ROBO1: variants seen among roughly 807,000 people sequenced by gnomAD.
The protein encoded by ROBO1 is roundabout guidance receptor 1, also known as roundabout homolog 1.
In ROBO1, 149 loss-of-function variants were observed where a neutral mutation model predicts 195.9. That is an observed-to-expected ratio of 0.76 (90% CI 0.67 to 0.87). ROBO1 has a LOEUF of 0.87. Ranked by LOEUF, ROBO1 falls within the 40% of genes least tolerant of loss-of-function variation. ROBO1 has a pLI of 0.00. For synonymous variants in ROBO1, 816 were observed against 733.2 expected, an observed-to-expected ratio of 1.11 and a Z score of -1.82; for missense variants, 1,933 against 2,068.3, an observed-to-expected ratio of 0.93 and a Z score of 1.27.
At chr3:79,360,397 T>A (rs1052682569) in intron 2 of ROBO1, among the ~76,000 whole-genome samples, 3 of 152,030 alleles carry the variant, frequency 2.0e-5, no homozygotes, top group African/African-American at 7.2e-5. Flanking sequence ...TAAAATTATT[T>A]ATGAAGAATT....
chr3:79,624,162 C>G (rs917769522), intron 1 of ROBO1, among the ~76,000 whole-genome samples: 1 of 152,174 alleles, frequency 6.6e-6, no homozygotes, highest in Middle Eastern at 3.4e-3. Context: ...GATTTCATTA[C>G]CACCAGGCCT....
chr3:78,636,935 TTA>T (rs55894934), intron 22 of ROBO1, among the ~76,000 whole-genome samples: 8,904 of 96,250 alleles, frequency 0.093, 387 homozygotes, highest in Middle Eastern at 0.15. Flanking sequence ...TACATTCATT[TTA>T]TATATATATA....
intron 1 of ROBO1, among the ~76,000 whole-genome samples, chr3:79,608,103 C>G (rs1307785626): frequency 6.6e-6 from 1 of 151,874 alleles, no homozygotes; most frequent in Non-Finnish European, 1.5e-5. Flanking sequence ...TATAGACAGT[C>G]CTGGGTATAC....
At chr3:79,304,031 A>G (rs942299731) in intron 2 of ROBO1, among the ~76,000 whole-genome samples, 1 of 152,216 alleles carries the variant, frequency 6.6e-6, no homozygotes, top group African/African-American at 2.4e-5. Flanking sequence ...TGCAGTTTTC[A>G]TTTTTTAAAA....
intron 2 of ROBO1, among the ~76,000 whole-genome samples, chr3:79,282,383 C>T (rs1197334936): frequency 6.6e-6 from 1 of 152,110 alleles, no homozygotes; most frequent in Non-Finnish European, 1.5e-5. Flanking sequence ...AGTGACTGAT[C>T]TAAGAGAATG....
intron 1 of ROBO1, among the ~76,000 whole-genome samples, chr3:79,618,627 C>T (rs1944900295): frequency 6.6e-6 from 1 of 152,200 alleles, no homozygotes; most frequent in South Asian, 2.1e-4. Context: ...CCTTTGCTGA[C>T]TCCTTTTTCA....
At chr3:79,745,699 C>G (rs933531691) in intron 1 of ROBO1, among the ~76,000 whole-genome samples, 1 of 152,054 alleles carries the variant, frequency 6.6e-6, no homozygotes, top group South Asian at 2.1e-4. Flanking sequence ...AACAAATGGT[C>G]ATGTCCCTTT....
At chr3:78,982,601 C>A (rs910748843) in intron 3 of ROBO1, among the ~76,000 whole-genome samples, 2 of 151,956 alleles carry the variant, frequency 1.3e-5, no homozygotes, top group African/African-American at 4.8e-5. Flanking sequence ...AAAGTAAGCC[C>A]CATAGCTGCC....
chr3:79,218,243 A>G (rs2082084775), intron 2 of ROBO1, among the ~76,000 whole-genome samples: 1 of 152,028 alleles, frequency 6.6e-6, no homozygotes, highest in African/African-American at 2.4e-5. Context: ...GAAATTTGAA[A>G]TGTAAACTTT....
At chr3:78,809,494 A>G (rs976882124) in intron 4 of ROBO1, among the ~76,000 whole-genome samples, 2 of 152,218 alleles carry the variant, frequency 1.3e-5, no homozygotes, top group Non-Finnish European at 2.9e-5. Flanking sequence ...TACTGGGTAT[A>G]TACACAAAGG....
intron 2 of ROBO1, among the ~76,000 whole-genome samples, chr3:79,300,297 G>A (rs192325430): frequency 0.014 from 2,086 of 152,338 alleles, 17 homozygotes; most frequent in Middle Eastern, 0.027. Context: ...TGGGCTTGGC[G>A]GGTCCTGCAC....
chr3:79,694,814 A>C (rs995021980), intron 1 of ROBO1, among the ~76,000 whole-genome samples: 2 of 151,752 alleles, frequency 1.3e-5, no homozygotes, highest in Admixed American at 6.6e-5. Context: ...AATTATTTTT[A>C]GAATACAAAA....
intron 14 of ROBO1, among the ~76,000 whole-genome samples, chr3:78,665,413 A>G (rs1191032115): frequency 6.6e-6 from 1 of 152,146 alleles, no homozygotes; most frequent in Non-Finnish European, 1.5e-5. Flanking sequence ...ATCCTTTTAC[A>G]GCTAATTTTT....
At chr3:78,609,268 C>A (rs895743032) in intron 28 of ROBO1, among the ~76,000 whole-genome samples, 1 of 152,150 alleles carries the variant, frequency 6.6e-6, no homozygotes, top group Admixed American at 6.5e-5. Flanking sequence ...CGTACCTCCC[C>A]ACCTCCATTT....
intron 10 of ROBO1, among the ~76,000 whole-genome samples, chr3:78,682,514 T>C (rs1221388531): frequency 2.0e-5 from 3 of 146,386 alleles, no homozygotes; most frequent in Non-Finnish European, 4.5e-5. Context: ...TATATATGAC[T>C]GTGTATATAT....
chr3:79,151,076 A>G (rs573888481), intron 2 of ROBO1, among the ~76,000 whole-genome samples: 1 of 151,870 alleles, frequency 6.6e-6, no homozygotes, highest in South Asian at 2.1e-4. Context: ...ATGGTTTTAT[A>G]AATGGGAGTT....
chr3:78,956,840 G>A (rs2041073437), intron 3 of ROBO1, among the ~76,000 whole-genome samples: 1 of 152,154 alleles, frequency 6.6e-6, no homozygotes, highest in Non-Finnish European at 1.5e-5. Flanking sequence ...ATGGCTGGAA[G>A]CTCTCCTTAA....
intron 2 of ROBO1, among the ~76,000 whole-genome samples, chr3:79,255,577 A>C (rs952295302): frequency 2.6e-5 from 4 of 152,172 alleles, no homozygotes; most frequent in African/African-American, 9.7e-5. Flanking sequence ...GCAAAACAAA[A>C]TTATTCTGCA....
intron 4 of ROBO1, among the ~76,000 whole-genome samples, chr3:78,817,766 T>C (rs749040209): frequency 2.6e-5 from 4 of 152,202 alleles, no homozygotes; most frequent in Non-Finnish European, 5.9e-5. Context: ...TAGTTAAAGT[T>C]GCCAAGAATT....
Sources: allele counts gnomAD v4.1 joint callset (sites outside exome capture counted in the v4.1 genomes callset), GRCh38; gene constraint gnomAD v4.1.1; transcripts MANE v1.5; gene names NCBI Gene and HGNC (gene_info 2026-07-23, HGNC 2026-07-21).